NFIA: variants seen among roughly 807,000 people sequenced by gnomAD.
The protein encoded by NFIA is nuclear factor 1 A-type.
In NFIA, 8 loss-of-function variants were observed where a neutral mutation model predicts 62.8. The observed-to-expected ratio is 0.13, with a 90% CI of 0.07 to 0.23. The LOEUF is 0.23. NFIA is among the 10% of genes least tolerant of loss of function. The pLI is 1.00. For missense variants in NFIA, 410 were observed against 642.1 expected (o/e 0.64, Z 3.91); for synonymous variants, 235 against 238.1 (o/e 0.99, Z 0.12).
chr1:61,384,897 T>G, intron 7 of NFIA, among the ~76,000 whole-genome samples: 1 of 152,102 alleles, frequency 6.6e-6, no homozygotes, highest in East Asian at 1.9e-4. Context: ...ATAGAGCATG[T>G]TATCTACTGC....
chr1:61,118,056 G>A (rs945544061), intron 2 of NFIA, among the ~76,000 whole-genome samples: 1 of 151,948 alleles, frequency 6.6e-6, no homozygotes, highest in African/African-American at 2.4e-5. Context: ...ATGGTGGCAG[G>A]CGCCTGTGAT....
intron 2 of NFIA, among the ~76,000 whole-genome samples, chr1:61,213,928 C>T (rs563097699): frequency 5.9e-5 from 9 of 152,288 alleles, no homozygotes; most frequent in Middle Eastern, 6.8e-3. Flanking sequence ...CGTGGTTGTA[C>T]TTTTCATGAG....
chr1:61,246,884 C>A (rs1655680695), intron 2 of NFIA, among the ~76,000 whole-genome samples: 1 of 152,162 alleles, frequency 6.6e-6, no homozygotes, highest in African/African-American at 2.4e-5. Context: ...ATTAAGTTGA[C>A]TAAGCATTGT....
chr1:61,226,116 G>C (rs1353855116), intron 2 of NFIA, among the ~76,000 whole-genome samples: 1 of 152,168 alleles, frequency 6.6e-6, no homozygotes, highest in Non-Finnish European at 1.5e-5. Flanking sequence ...GAAGAAAGTA[G>C]TATTTGTGTA....
At chr1:61,364,957 G>A (rs2364475) in intron 6 of NFIA, among the ~76,000 whole-genome samples, 65,253 of 152,090 alleles carry the variant, frequency 0.43, 15,124 homozygotes, top group East Asian at 0.67. Context: ...GCCCAAGGTG[G>A]GAGGATTGCT....
chr1:61,388,287 A>G (rs770458563), intron 7 of NFIA, among the ~76,000 whole-genome samples: 4 of 152,252 alleles, frequency 2.6e-5, no homozygotes, highest in Non-Finnish European at 5.9e-5. Context: ...TTGAGCTTTC[A>G]AAGACTTTCT....
At chr1:61,286,122 A>G (rs889587896) in intron 3 of NFIA, among the ~76,000 whole-genome samples, 2 of 152,144 alleles carry the variant, frequency 1.3e-5, no homozygotes, top group South Asian at 2.1e-4. Context: ...AATTTAACAG[A>G]TCATTCTTAA....
intron 2 of NFIA, among the ~76,000 whole-genome samples, chr1:61,170,928 A>G (rs1649922995): frequency 6.6e-6 from 1 of 152,116 alleles, no homozygotes; most frequent in Non-Finnish European, 1.5e-5. Context: ...AAAAAGAGAC[A>G]TTCTTTCTTA....
chr1:61,241,013 G>T lies in NFIA; in HGVS notation c.560-36507G>T, dbSNP rs113387816. Among the ~76,000 whole-genome samples, 472 of 151,092 alleles carry T rather than the reference G, an allele frequency of 3.1e-3. 3 individuals carry two copies. The highest frequency in any genetic ancestry group is 0.011 in the African/African-American group (442 of 41,186). On this transcript the variant is annotated intron_variant, in intron 2 of 10. Coordinates refer to ENST00000403491, the MANE Select transcript of NFIA (RefSeq NM_001134673.4). ...CAGTTCATAAGATTACATGTTTTTGGTTTATAATTTCTTTACCTAAGGAGA... is the reference window on the plus strand; with the variant it reads ...CAGTTCATAAGATTACATGTTTTTGTTTTATAATTTCTTTACCTAAGGAGA...
chr1:61,077,378 G>A (rs1646045044), upstream of NFIA: 1 of 382,334 alleles, frequency 2.6e-6, no homozygotes, highest in South Asian at 1.1e-4. Flanking sequence ...GAGCGAGCGA[G>A]CGAGAGCGAG....
chr1:61,265,762 T>C (rs1191640824), intron 2 of NFIA, among the ~76,000 whole-genome samples: 1 of 152,224 alleles, frequency 6.6e-6, no homozygotes. Flanking sequence ...CACAAAGTTT[T>C]CTGGAAGACC....
intron 2 of NFIA, among the ~76,000 whole-genome samples, chr1:61,194,189 A>G (rs944229047): frequency 6.6e-6 from 1 of 152,170 alleles, no homozygotes; most frequent in Non-Finnish European, 1.5e-5. Flanking sequence ...TTCCCCATCC[A>G]TTAAGATGTC....
chr1:61,228,965 GTTAA>G (rs751222958), intron 2 of NFIA, among the ~76,000 whole-genome samples: 1 of 151,792 alleles, frequency 6.6e-6, no homozygotes, highest in East Asian at 1.9e-4. Flanking sequence ...GCCTTTAAAG[GTTAA>G]TTATTTCAAC....
At chr1:61,338,583 A>G (rs1225589921) in intron 4 of NFIA, among the ~76,000 whole-genome samples, 4 of 152,246 alleles carry the variant, frequency 2.6e-5, no homozygotes, top group Non-Finnish European at 1.5e-5. Context: ...AGTAAGAACT[A>G]TTGGCAATAT....
intron 2 of NFIA, among the ~76,000 whole-genome samples, chr1:61,162,453 GCCACATGCTT>G (rs1253451398): frequency 6.6e-6 from 1 of 152,200 alleles, no homozygotes; most frequent in African/African-American, 2.4e-5. Context: ...TCTGCCAAAA[GCCACATGCTT>G]ACCTGGGGTC....
intron 2 of NFIA, among the ~76,000 whole-genome samples, chr1:61,243,316 A>G (rs1218523911): frequency 1.3e-5 from 2 of 152,160 alleles, no homozygotes; most frequent in African/African-American, 4.8e-5. Context: ...CTTCTTACAT[A>G]TTTCCAGAGT....
rs1665721417 is a variant in NFIA at position 61,404,432 on chromosome 1, A to G, written c.1254+150A>G. 79 of 888,396 alleles carry G rather than the reference A, an allele frequency of 8.9e-5. 2 individuals carry two copies. The South Asian group carries it at 1.5e-3, about 17-fold the overall frequency. 55.0% of individuals were successfully genotyped at this position (888,396 alleles called of 1,614,324 possible). A position where few individuals can be genotyped will look rare whatever the true frequency, so the allele number is the denominator to read the frequency against. Reference sequence around the variant, plus strand: ...TCATATTTATTCTAGATTGTGGGAAAGTTAACTTGGTCTAAGAGTGATTAG... The same window carrying G: ...TCATATTTATTCTAGATTGTGGGAAGGTTAACTTGGTCTAAGAGTGATTAG... On this transcript the variant is annotated intron_variant, in intron 8 of 10. Transcript: ENST00000403491.
At chr1:61,325,692 G>A (rs1248295478) in intron 3 of NFIA, among the ~76,000 whole-genome samples, 13 of 152,160 alleles carry the variant, frequency 8.5e-5, no homozygotes, top group Admixed American at 8.5e-4. Flanking sequence ...GCCAAGGCAG[G>A]CGGATCATGA....
At position 61,082,620 on chromosome 1, in the gene NFIA, C is replaced by T; in HGVS notation, c.-172C>T. 2.0e-6 allele frequency: 3 copies of T among 1,501,850 alleles called. No homozygotes were observed. The highest frequency in any genetic ancestry group is 5.0e-5 in the East Asian group (2 of 40,056). The allele number at this position is 1,501,850 out of a possible 1,614,324, so 93.0% of individuals were successfully genotyped here. A position where few individuals can be genotyped will look rare whatever the true frequency, so the allele number is the denominator to read the frequency against. ...GCTGGCTGGCTGGCTGCAGTTGAGC[C>T]GACTTGGAAATGTGAACGCAAGAAG... On this transcript the variant is annotated 5_prime_UTR_variant, in exon 1 of 11. Transcript: ENST00000403491.
Sources: allele counts gnomAD v4.1 joint callset (sites outside exome capture counted in the v4.1 genomes callset), GRCh38; gene constraint gnomAD v4.1.1; transcripts MANE v1.5; gene names NCBI Gene and HGNC (gene_info 2026-07-23, HGNC 2026-07-21).